The following GNAO1 variants were observed in gnomAD, a reference collection of about 807,000 sequenced individuals.
GNAO1 encodes G protein subunit alpha o1.
For synonymous variants in GNAO1, 164 were observed against 180.7 expected (o/e 0.91, Z 0.74); for missense variants, 166 against 478.7 (o/e 0.35, Z 6.10).
intron 4 of GNAO1, among the ~76,000 whole-genome samples, chr16:56,332,256 C>T (rs1356003435): frequency 2.6e-5 from 4 of 152,184 alleles, no homozygotes; most frequent in Non-Finnish European, 4.4e-5. Context: ...TTGCCCCAGC[C>T]GGACTCTGGC....
intron 2 of GNAO1, among the ~76,000 whole-genome samples, chr16:56,209,488 G>A (rs2036365052): frequency 6.6e-6 from 1 of 152,054 alleles, no homozygotes; most frequent in East Asian, 1.9e-4. Context: ...TGTGATGCAT[G>A]CACACACACA....
intron 2 of GNAO1, among the ~76,000 whole-genome samples, chr16:56,229,298 A>G (rs958103394): frequency 2.6e-5 from 4 of 152,128 alleles, no homozygotes; most frequent in Non-Finnish European, 5.9e-5. Context: ...TCCACCTCCC[A>G]GGTTCAAGTA....
intron 6 of GNAO1, chr16:56,340,840 A>G: frequency 1.2e-6 from 2 of 1,613,728 alleles, no homozygotes; most frequent in South Asian, 1.1e-5. Flanking sequence ...GCAGAACCGC[A>G]TGCACGAATC....
chr16:56,231,514 C>G (rs1306223033), intron 2 of GNAO1, among the ~76,000 whole-genome samples: 1 of 152,150 alleles, frequency 6.6e-6, no homozygotes, highest in African/African-American at 2.4e-5. Context: ...TCCCTAGCAC[C>G]TAGAAGAGTA....
In GNAO1 at chr16:56,311,704, G is replaced by T. The variant is rs1483808408; in HGVS notation, c.304-16927G>T. Reference sequence around the variant, plus strand: ...GCCCCTGACCCCCTGTACCCCAGGGGCCAGGCTCTGGGAGTCAGAGGAGCT... The same window carrying T: ...GCCCCTGACCCCCTGTACCCCAGGGTCCAGGCTCTGGGAGTCAGAGGAGCT... On this transcript the variant is annotated intron_variant, in intron 3 of 8. Transcript: ENST00000262493. This position sits in a 1 kb window ranked among gnomAD's most constrained non-coding sequence, Gnocchi z 5.2. 6.6e-6 allele frequency among the ~76,000 whole-genome samples: 1 copy of T among 152,112 alleles called. No homozygotes were observed. The highest frequency in any genetic ancestry group is 2.4e-5 in the African/African-American group (1 of 41,410).
intron 2 of GNAO1, among the ~76,000 whole-genome samples, chr16:56,261,590 G>C (rs2036903953): frequency 6.6e-6 from 1 of 152,226 alleles, no homozygotes; most frequent in Admixed American, 6.5e-5. Context: ...AGAGACACAA[G>C]GGAGTGAAAT....
At chr16:56,240,481 T>C (rs1371236208) in intron 2 of GNAO1, among the ~76,000 whole-genome samples, 1 of 152,178 alleles carries the variant, frequency 6.6e-6, no homozygotes, top group Non-Finnish European at 1.5e-5. Flanking sequence ...TTTTGAACCA[T>C]GGTGCTGTTT....
chr16:56,317,609 T>C (rs952100195), intron 3 of GNAO1, among the ~76,000 whole-genome samples: 1 of 151,112 alleles, frequency 6.6e-6, no homozygotes, highest in South Asian at 2.1e-4. Flanking sequence ...GGGATGTGAG[T>C]GGATGGATGA....
chr16:56,216,261 G>A (rs566665952), intron 2 of GNAO1, among the ~76,000 whole-genome samples: 4 of 152,292 alleles, frequency 2.6e-5, no homozygotes, highest in Admixed American at 2.0e-4. Flanking sequence ...TTTTTTAAAA[G>A]GTGATCATAA....
At chr16:56,268,987 C>T (rs951075435) in intron 2 of GNAO1, among the ~76,000 whole-genome samples, 5 of 152,162 alleles carry the variant, frequency 3.3e-5, no homozygotes, top group Non-Finnish European at 7.3e-5. Flanking sequence ...TCAGGGGCCA[C>T]GTCCCATTAC....
chr16:56,224,123 G>A (rs1229849236), intron 2 of GNAO1, among the ~76,000 whole-genome samples: 1 of 152,192 alleles, frequency 6.6e-6, no homozygotes, highest in Non-Finnish European at 1.5e-5. Flanking sequence ...TGGCCAGTAC[G>A]TCTTCCTCTG....
intron 2 of GNAO1, among the ~76,000 whole-genome samples, chr16:56,258,772 G>A (rs1423061806): frequency 6.6e-6 from 1 of 152,246 alleles, no homozygotes; most frequent in African/African-American, 2.4e-5. Flanking sequence ...GAAGGCAGGG[G>A]AGAGTTTCCT....
intron 2 of GNAO1, among the ~76,000 whole-genome samples, chr16:56,256,904 C>T (rs1006558944): frequency 1.3e-5 from 2 of 152,118 alleles, no homozygotes. Context: ...AATTACAGGA[C>T]GGACACTGCC....
intron 3 of GNAO1, among the ~76,000 whole-genome samples, chr16:56,320,266 C>CT (rs1164850302): frequency 1.3e-5 from 2 of 152,180 alleles, no homozygotes; most frequent in African/African-American, 4.8e-5. Flanking sequence ...GCTCTTATCT[C>CT]TATGTGGCAG....
chr16:56,196,964 G>A (rs8056121), intron 2 of GNAO1, among the ~76,000 whole-genome samples: 2,197 of 152,266 alleles, frequency 0.014, 35 homozygotes, highest in African/African-American at 0.024. Flanking sequence ...AAAGCTGATG[G>A]CTTTTTCCTC....
chr16:56,246,703 G>A (rs56117239), intron 2 of GNAO1, among the ~76,000 whole-genome samples: 2,633 of 152,172 alleles, frequency 0.017, 47 homozygotes, highest in South Asian at 0.053. Flanking sequence ...CATGTTCCCC[G>A]TCATGTGCCC....
At chr16:56,236,086 T>C (rs8063585) in intron 2 of GNAO1, among the ~76,000 whole-genome samples, 2,636 of 152,310 alleles carry the variant, frequency 0.017, 47 homozygotes, top group South Asian at 0.053. Flanking sequence ...GTTTCACTTC[T>C]CAGGTAAAGA....
chr16:56,268,064 TGGAAA>T (rs2036975780), intron 2 of GNAO1, among the ~76,000 whole-genome samples: 1 of 152,164 alleles, frequency 6.6e-6, no homozygotes, highest in Non-Finnish European at 1.5e-5. Context: ...TGTAGCACAA[TGGAAA>T]GGCCTCTGGG....
At chr16:56,355,122 G>GCACACACACACACACACACA in intron 8 of GNAO1, 41 bp downstream of exon 8, 1 of 754,438 alleles carries the variant, frequency 1.3e-6, no homozygotes, top group South Asian at 1.7e-5. Context: ...GCGTGCGCGC[G>GCACACACACACACACACACA]CATACACACA....
Sources: allele counts gnomAD v4.1 joint callset (sites outside exome capture counted in the v4.1 genomes callset), GRCh38; gene constraint gnomAD v4.1.1; non-coding constraint Gnocchi (gnomAD v3.1); transcripts MANE v1.5; gene names NCBI Gene and HGNC (gene_info 2026-07-23, HGNC 2026-07-21).